KANK1: variants seen among roughly 807,000 people sequenced by gnomAD.
KANK1 encodes KN motif and ankyrin repeat domain-containing protein 1.
Under a neutral mutation model 106.2 loss-of-function variants are expected in KANK1, and 109 were observed. The observed-to-expected ratio is 1.03, with a 90% CI of 0.88 to 1.20. The LOEUF (loss-of-function observed/expected upper bound fraction) is 1.20, where lower values mean the gene tolerates loss of function less well. Among genes scored for constraint, KANK1 ranks in the 50% most tolerant of loss-of-function variants. The probability of loss-of-function intolerance (pLI) is 0.00; values close to 1 mark genes in which losing one functional copy is unlikely to be tolerated. For synonymous variants in KANK1, 873 were observed against 652.2 expected (o/e 1.34, Z -5.16); for missense variants, 2,399 against 1,710.7 (o/e 1.40, Z -7.10).
chr9:659,984 G>A (rs543721888), intron 1 of KANK1: 56 of 216,134 alleles, frequency 2.6e-4, no homozygotes, highest in Non-Finnish European at 3.8e-4. Context: ...AAAAACAATC[G>A]TATGTCCACA....
At chr9:545,948 A>C (rs867322223) in intron 1 of KANK1, among the ~76,000 whole-genome samples, 2 of 151,856 alleles carry the variant, frequency 1.3e-5, no homozygotes, top group East Asian at 3.9e-4. Context: ...GGGTTTTGCT[A>C]TGTTGGCCAG....
At chr9:736,697 CAA>C (rs35527047) in intron 7 of KANK1, among the ~76,000 whole-genome samples, 58 of 142,344 alleles carry the variant, frequency 4.1e-4, no homozygotes, top group Non-Finnish European at 2.5e-4. Context: ...GACACCCTCT[CAA>C]AAAAAAAAAA....
chr9:730,360 C>T (rs1403844332), intron 4 of KANK1, 112 bp downstream of exon 4: 7 of 1,136,970 alleles, frequency 6.2e-6, no homozygotes, highest in East Asian at 2.5e-5. Context: ...AAGTTAATAT[C>T]GTTATTTGGA....
intron 1 of KANK1, among the ~76,000 whole-genome samples, chr9:615,659 C>T (rs1456240952): frequency 6.6e-6 from 1 of 152,118 alleles, no homozygotes; most frequent in East Asian, 1.9e-4. Context: ...TTTATTTTCC[C>T]TGGTTGGTCT....
chr9:612,492 G>T (rs1057334691), intron 1 of KANK1, among the ~76,000 whole-genome samples: 2 of 152,164 alleles, frequency 1.3e-5, no homozygotes, highest in Non-Finnish European at 2.9e-5. Flanking sequence ...TAGGGTTTCA[G>T]TGTCATCATC....
intron 1 of KANK1, among the ~76,000 whole-genome samples, chr9:506,810 A>C (rs572526177): frequency 6.6e-6 from 1 of 152,132 alleles, no homozygotes; most frequent in Non-Finnish European, 1.5e-5. Context: ...GGGGCAGTGC[A>C]AGGAACTGGG....
At chr9:537,267 T>G (rs1201256108) in intron 1 of KANK1, among the ~76,000 whole-genome samples, 1 of 152,190 alleles carries the variant, frequency 6.6e-6, no homozygotes, top group East Asian at 1.9e-4. Context: ...GGTATGTTAC[T>G]GAGCAGGGTT....
intron 1 of KANK1, among the ~76,000 whole-genome samples, chr9:641,842 G>A (rs1838516543): frequency 6.6e-6 from 1 of 152,158 alleles, no homozygotes; most frequent in Non-Finnish European, 1.5e-5. Context: ...CACAAACCAT[G>A]CAGTCCACCC....
chr9:603,074 A>G (rs572806663), intron 1 of KANK1, among the ~76,000 whole-genome samples: 1 of 151,982 alleles, frequency 6.6e-6, no homozygotes, highest in East Asian at 1.9e-4. Flanking sequence ...CATATGGGGA[A>G]AGAGTCTCTT....
chr9:592,134 C>G lies in KANK1; in HGVS notation c.-83-84756C>G, dbSNP rs932289541. Among the ~76,000 whole-genome samples, 7 of 151,758 alleles carry G rather than the reference C, an allele frequency of 4.6e-5. 1 individual carries two copies. The highest frequency in any genetic ancestry group is 1.7e-4 in the African/African-American group (7 of 41,046). ...AGAAATTGTAGGAAAAGATGCAAAC[C>G]TTCTTGGAAGAGGTTTTGCAAAAGC... On this transcript the variant is annotated intron_variant, in intron 1 of 11. Transcript: ENST00000382297.
At chr9:561,548 G>A (rs1018677622) in intron 1 of KANK1, among the ~76,000 whole-genome samples, 3 of 152,176 alleles carry the variant, frequency 2.0e-5, no homozygotes. Context: ...ATTCTTAGCA[G>A]CAGGACAGCT....
chr9:621,542 T>A (rs1055452528), intron 1 of KANK1, among the ~76,000 whole-genome samples: 5 of 152,216 alleles, frequency 3.3e-5, no homozygotes, highest in African/African-American at 1.2e-4. Flanking sequence ...TATTGGTATA[T>A]TTACCCTGAT....
chr9:486,039 T>C (rs1221319026), intron 3 of KANK1, among the ~76,000 whole-genome samples: 1 of 152,180 alleles, frequency 6.6e-6, no homozygotes, highest in African/African-American at 2.4e-5. Flanking sequence ...CCAGTTTGAC[T>C]TGTGTTTTCC....
intron 1 of KANK1, among the ~76,000 whole-genome samples, chr9:583,984 G>C (rs1822818705): frequency 6.6e-6 from 1 of 152,056 alleles, no homozygotes. Flanking sequence ...GTGCCACTGG[G>C]TCAAACATTG....
At chr9:617,708 C>A (rs1487547364) in intron 1 of KANK1, among the ~76,000 whole-genome samples, 2 of 152,346 alleles carry the variant, frequency 1.3e-5, no homozygotes, top group African/African-American at 4.8e-5. Flanking sequence ...GGCTGACAGT[C>A]TGCACCTCTC....
At chr9:726,725 C>A (rs1041032736) in intron 3 of KANK1, among the ~76,000 whole-genome samples, 1 of 151,752 alleles carries the variant, frequency 6.6e-6, no homozygotes, top group East Asian at 1.9e-4. Flanking sequence ...TTTGGGAGGT[C>A]AAGGCGGGCA....
chr9:725,608 A>G (rs904262748), intron 3 of KANK1, among the ~76,000 whole-genome samples: 4 of 152,090 alleles, frequency 2.6e-5, no homozygotes, highest in African/African-American at 9.7e-5. Context: ...AAAGTAGACC[A>G]CCTGCATCAG....
chr9:602,470 G>A lies in KANK1; in HGVS notation c.-83-74420G>A, dbSNP rs530586485. On this transcript the variant is annotated intron_variant, in intron 1 of 11. Transcript: ENST00000382297. Reference sequence around the variant, plus strand: ...AGATGTGGTTTCACCATGTTGGCCAGGATGGTCTCAATCTCTTGACCTCAT... The same window carrying A: ...AGATGTGGTTTCACCATGTTGGCCAAGATGGTCTCAATCTCTTGACCTCAT... Among the ~76,000 whole-genome samples, 3 of 151,854 alleles carry A rather than the reference G, an allele frequency of 2.0e-5. No individual in the cohort carries two copies. In the East Asian group the frequency reaches 5.8e-4, roughly 29 times the overall value.
intron 1 of KANK1, among the ~76,000 whole-genome samples, chr9:550,672 T>A (rs559565729): frequency 2.8e-4 from 43 of 152,316 alleles, no homozygotes; most frequent in South Asian, 1.0e-3. Flanking sequence ...GATTAAATTC[T>A]CTCACGTGCA....
Sources: gnomAD v4.1 joint callset for allele counts (sites outside exome capture counted in the v4.1 genomes callset) on GRCh38, gnomAD v4.1.1 for gene constraint, MANE v1.5 for transcripts, NCBI Gene and HGNC (gene_info 2026-07-23, HGNC 2026-07-21) for gene names.